The following SPARCL1 variants were observed in gnomAD, a reference collection of about 807,000 sequenced individuals.
The protein encoded by SPARCL1 is SPARC like 1.
Under a neutral mutation model 67.1 loss-of-function variants are expected in SPARCL1, and 52 were observed. That is an observed-to-expected ratio of 0.78 (90% CI 0.62 to 0.98). The LOEUF (loss-of-function observed/expected upper bound fraction) is 0.98, where lower values mean the gene tolerates loss of function less well. SPARCL1 is among the 50% of genes least tolerant of loss of function. SPARCL1 has a pLI of 0.00. For missense variants in SPARCL1, 717 were observed against 782.4 expected, an observed-to-expected ratio of 0.92 and a Z score of 1.00; for synonymous variants, 226 against 267.8, an observed-to-expected ratio of 0.84 and a Z score of 1.52.
chr4:87,507,485 A>G (rs1725131099), intron 1 of SPARCL1, among the ~76,000 whole-genome samples: 1 of 152,156 alleles, frequency 6.6e-6, no homozygotes, highest in Non-Finnish European at 1.5e-5. Flanking sequence ...TTGAGTACTT[A>G]CTAGACACTG....
In SPARCL1 at chr4:87,506,782, CATCTATCTATCT is replaced by C. The variant is rs11412640; in HGVS notation, c.-11-7209_-11-7198del. ...ATTATCTATATCTCTATCTATCTAT[CATCTATCTATCT>C]ATCTATCTATCTATCTATCTATCTA... On this transcript the variant is annotated intron_variant, in intron 1 of 10. Transcript: ENST00000282470. 5.0e-3 allele frequency among the ~76,000 whole-genome samples: 471 copies of C among 93,806 alleles called. 4 individuals carry two copies. Among genetic ancestry groups the C allele is most frequent in the African/African-American group, 0.017 (402 of 24,116 alleles). 61.5% of individuals were successfully genotyped at this position (93,806 alleles called of 152,430 possible).
chr4:87,493,192 C>G (rs1007012165), intron 4 of SPARCL1, among the ~76,000 whole-genome samples: 4 of 152,144 alleles, frequency 2.6e-5, no homozygotes, highest in Admixed American at 1.3e-4. Flanking sequence ...GAAATTAATA[C>G]CCCTCTAGCA....
intron 1 of SPARCL1, among the ~76,000 whole-genome samples, chr4:87,518,779 G>C (rs1411614385): frequency 6.6e-6 from 1 of 152,134 alleles, no homozygotes; most frequent in African/African-American, 2.4e-5. Flanking sequence ...AAGAAAAAGA[G>C]AGAAAAAGAA....
chr4:87,528,600 C>T (rs1029630945), intron 1 of SPARCL1: 2 of 152,118 alleles, frequency 1.3e-5, no homozygotes, highest in African/African-American at 2.4e-5. Context: ...CTGTTAGGCT[C>T]AGGAGATTGA....
At chr4:87,512,614 A>G (rs558689715) in intron 1 of SPARCL1, among the ~76,000 whole-genome samples, 2 of 152,306 alleles carry the variant, frequency 1.3e-5, no homozygotes, top group South Asian at 4.1e-4. Flanking sequence ...TGGATGATTC[A>G]GCCCCAGATG....
At chr4:87,508,215 T>C (rs1725187472) in intron 1 of SPARCL1, among the ~76,000 whole-genome samples, 1 of 134,202 alleles carries the variant, frequency 7.5e-6, no homozygotes, top group Admixed American at 7.8e-5. Context: ...CTTTTTGGCC[T>C]CTTTTTTTTT....
chr4:87,514,490 G>A (rs1188141219), intron 1 of SPARCL1, among the ~76,000 whole-genome samples: 1 of 152,048 alleles, frequency 6.6e-6, no homozygotes, highest in Non-Finnish European at 1.5e-5. Context: ...AAATTTAAAC[G>A]CAGAGTATGG....
chr4:87,508,889 G>GTA (rs142792848), intron 1 of SPARCL1, among the ~76,000 whole-genome samples: 3,264 of 138,336 alleles, frequency 0.024, 97 homozygotes, highest in African/African-American at 0.069. Flanking sequence ...ATGTATATAA[G>GTA]TATATATATA....
In SPARCL1 at chr4:87,474,458, A is replaced by ATACGTT. The variant is rs558449886; in HGVS notation, c.1967-661_1967-656dup. The stretch of plus-strand genomic sequence containing the variant: ...AATGGAGATAATAGCTTCATTAGTT[A>ATACGTT]TACGTTTACTTATATTTGCACCCAT... On this transcript the variant is annotated intron_variant, in intron 10 of 10. Coordinates refer to ENST00000282470, the MANE Select transcript of SPARCL1 (RefSeq NM_004684.6). 3.0e-4 allele frequency among the ~76,000 whole-genome samples: 46 copies of ATACGTT among 151,954 alleles called. No individual in the cohort carries two copies. The South Asian group carries it at 9.2e-3, about 30-fold the overall frequency.
chr4:87,482,698 G>T, intron 7 of SPARCL1, 138 bp from the exon 8 acceptor site: 1 of 819,144 alleles, frequency 1.2e-6, no homozygotes, highest in Non-Finnish European at 1.9e-6. Context: ...GTGGTCCTCA[G>T]CCCTGGCAGC....
intron 1 of SPARCL1, among the ~76,000 whole-genome samples, chr4:87,526,953 A>T (rs943445245): frequency 1.3e-5 from 2 of 152,202 alleles, no homozygotes; most frequent in African/African-American, 4.8e-5. Context: ...GCACAAAGAG[A>T]TGAAGTTGTT....
chr4:87,484,035 C>G (rs1257754033), intron 7 of SPARCL1, among the ~76,000 whole-genome samples: 1 of 152,052 alleles, frequency 6.6e-6, no homozygotes, highest in East Asian at 1.9e-4. Flanking sequence ...TGTAGGTTGC[C>G]TGTTTACTCT....
At chr4:87,516,076 C>T (rs1271555002) in intron 1 of SPARCL1, among the ~76,000 whole-genome samples, 1 of 152,162 alleles carries the variant, frequency 6.6e-6, no homozygotes, top group African/African-American at 2.4e-5. Context: ...GAACTTTTAC[C>T]TAATCTCCTG....
chr4:87,500,354 GA>G (rs1451602142), intron 1 of SPARCL1, among the ~76,000 whole-genome samples: 1 of 152,080 alleles, frequency 6.6e-6, no homozygotes, highest in African/African-American at 2.4e-5. Context: ...GTTTAGAAAC[GA>G]GACAAGTGAG....
At chr4:87,484,411 C>A (rs1723965464) in intron 7 of SPARCL1, among the ~76,000 whole-genome samples, 1 of 152,160 alleles carries the variant, frequency 6.6e-6, no homozygotes, top group South Asian at 2.1e-4. Flanking sequence ...GGCATTATTT[C>A]TGAGCCATCT....
chr4:87,485,469 A>T (rs1346981413), intron 7 of SPARCL1, among the ~76,000 whole-genome samples: 2 of 151,734 alleles, frequency 1.3e-5, no homozygotes, highest in African/African-American at 4.8e-5. Context: ...TTGGTTTGCC[A>T]GTATTTTATT....
chr4:87,480,955 T>C (rs1303720288), intron 8 of SPARCL1, among the ~76,000 whole-genome samples: 1 of 152,082 alleles, frequency 6.6e-6, no homozygotes, highest in Non-Finnish European at 1.5e-5. Context: ...ATCCATCCAG[T>C]GCCCACTCAG....
At chr4:87,518,411 A>C (rs1725669816) in intron 1 of SPARCL1, among the ~76,000 whole-genome samples, 1 of 152,218 alleles carries the variant, frequency 6.6e-6, no homozygotes, top group Non-Finnish European at 1.5e-5. Context: ...CAGTTATCTC[A>C]GGCTATCATA....
At chr4:87,497,208 G>A (rs1432204139) in intron 2 of SPARCL1, 1 of 985,160 alleles carries the variant, frequency 1.0e-6, no homozygotes, top group Non-Finnish European at 1.2e-6. Flanking sequence ...ATTAGGTTTG[G>A]TTTGCTCCTT....
Sources: gnomAD v4.1 joint callset for allele counts (sites outside exome capture counted in the v4.1 genomes callset) on GRCh38, gnomAD v4.1.1 for gene constraint, MANE v1.5 for transcripts, NCBI Gene and HGNC (gene_info 2026-07-23, HGNC 2026-07-21) for gene names.